Variants in MICAL2 observed in about 807,000 individuals in gnomAD.
The protein encoded by MICAL2 is microtubule associated monooxygenase, calponin and LIM domain containing 2.
In MICAL2, 77 loss-of-function variants were observed where a neutral mutation model predicts 127.3. The observed-to-expected ratio is 0.60, with a 90% CI of 0.50 to 0.73. MICAL2 has a LOEUF of 0.73. Ranked by LOEUF, MICAL2 falls within the 30% of genes least tolerant of loss-of-function variation. The probability of loss-of-function intolerance (pLI) is 0.00; values close to 1 mark genes in which losing one functional copy is unlikely to be tolerated. For missense variants in MICAL2, 1,351 were observed against 1,434.4 expected (o/e 0.94, Z 0.94); for synonymous variants, 570 against 551.1 (o/e 1.03, Z -0.48).
intron 3 of MICAL2, among the ~76,000 whole-genome samples, chr11:12,202,618 G>T (rs1158755975): frequency 2.6e-5 from 4 of 152,088 alleles, no homozygotes; most frequent in Admixed American, 1.3e-4. Context: ...TTCCGTCTGG[G>T]CTCCAGAAAA....
At chr11:12,258,666 C>T (rs1466786035) in intron 25 of MICAL2, 110 bp downstream of exon 25, 3 of 943,936 alleles carry the variant, frequency 3.2e-6, no homozygotes, top group Admixed American at 2.4e-5. Context: ...ATTGAGATGA[C>T]TCACAGATAA....
chr11:12,262,911 A>G (rs1196631665), intron 27 of MICAL2: 1 of 190,010 alleles, frequency 5.3e-6, no homozygotes, highest in Admixed American at 5.5e-5. Flanking sequence ...TTTGAAAAGA[A>G]CACTTTTTGA....
intron 29 of MICAL2, chr11:12,319,588 AG>A: frequency 1.3e-6 from 1 of 774,016 alleles, no homozygotes. Flanking sequence ...AGGGGAGGGC[AG>A]GGAGGAAGGG....
chr11:12,259,797 G>A lies in MICAL2; in HGVS notation c.3234G>A (p.Glu1078=). The change falls in exon 26 of 28, where the codon GAG becomes GAA. Residue 1078 remains glutamate, a splice_region_variant and synonymous_variant. Transcript: ENST00000683283. The part of the protein sequence containing the change: ...RRAELKQQRE[E]EATWQEQEAP... ...CCTCATTTCCATCTCTTTCTCAGGA[G>A]GAGGCAACATGGCAAGAGCAGGAAG... The A allele has an allele frequency of 6.5e-7, 1 of 1,539,484 alleles. No individual in the cohort carries two copies. Among genetic ancestry groups the A allele is most frequent in the Non-Finnish European group, 8.8e-7 (1 of 1,141,328 alleles).
chr11:12,309,762 A>C lies in MICAL2; in HGVS notation c.5213-9934A>C, dbSNP rs1301298655. Among the ~76,000 whole-genome samples, 4 of 152,226 alleles carry C rather than the reference A, an allele frequency of 2.6e-5. No homozygotes were observed. In the East Asian group the frequency reaches 7.7e-4, roughly 29 times the overall value. On this transcript the variant is annotated intron_variant, in intron 29 of 34. Transcript: ENST00000646065. Reference sequence around the variant, plus strand: ...AGAAACCGCCATACTGTTTGTCATAATGGTTTTACTACTTTATATTCCCAC... The same window carrying C: ...AGAAACCGCCATACTGTTTGTCATACTGGTTTTACTACTTTATATTCCCAC...
At chr11:12,334,643 C>A (rs1287048061) in intron 32 of MICAL2, among the ~76,000 whole-genome samples, 1 of 121,108 alleles carries the variant, frequency 8.3e-6, no homozygotes, top group African/African-American at 3.2e-5. Context: ...TGTGATGTTC[C>A]CCTTCCTGTG....
At position 12,239,527 on chromosome 11, in the gene MICAL2, C is replaced by A. The variant is rs914315098; in HGVS notation, c.2156C>A (p.Ala719Glu). The change falls in exon 17 of 28, where the codon GCG becomes GAG. Residue 719 changes from alanine to glutamate, a missense_variant. Physicochemically the swap from Ala to Glu is moderately radical, Grantham distance 107. Around this residue, in one of 2 missense-constraint regions of MICAL2, gnomAD observed 752 missense variants for 719.4 expected, o/e 1.05. Transcript: ENST00000683283. ...GGNQNKVKSM[A>E]NQLLAKFEES... ...AATCAGAACAAAGTCAAGTCCATGGCGAATCAGCTGCTGGCCAAGTTTGAG... is the reference window on the plus strand; with the variant it reads ...AATCAGAACAAAGTCAAGTCCATGGAGAATCAGCTGCTGGCCAAGTTTGAG... 2 of 1,614,198 alleles carry A rather than the reference C, an allele frequency of 1.2e-6. No individual in the cohort carries two copies. The highest frequency in any genetic ancestry group is 1.1e-5 in the South Asian group (1 of 91,082).
intron 1 of MICAL2, among the ~76,000 whole-genome samples, chr11:12,115,655 T>C (rs1849952237): frequency 6.6e-6 from 1 of 152,188 alleles, no homozygotes; most frequent in African/African-American, 2.4e-5. Context: ...AACAAAATTT[T>C]AAGTTTTCTG....
intron 3 of MICAL2, among the ~76,000 whole-genome samples, chr11:12,199,421 C>T (rs968547624): frequency 1.3e-5 from 2 of 152,150 alleles, no homozygotes; most frequent in Non-Finnish European, 2.9e-5. Context: ...CTCGACCTCG[C>T]TGCAGTGTCT....
chr11:12,192,070 C>T (rs1859244121), intron 3 of MICAL2, among the ~76,000 whole-genome samples: 1 of 137,542 alleles, frequency 7.3e-6, no homozygotes, highest in Admixed American at 7.2e-5. Flanking sequence ...CCACCCAAAA[C>T]CCACCAAGGG....
At chr11:12,361,611 C>T (rs1365198715), downstream of MICAL2, among the ~76,000 whole-genome samples, 1 of 152,220 alleles carries the variant, frequency 6.6e-6, no homozygotes, top group East Asian at 1.9e-4. Context: ...CAGTGTTAGG[C>T]TGCTTGGAAT....
intron 2 of MICAL2, among the ~76,000 whole-genome samples, chr11:12,156,060 A>G (rs555983997): frequency 6.6e-6 from 1 of 152,342 alleles, no homozygotes; most frequent in South Asian, 2.1e-4. Context: ...CAGAAGGGCA[A>G]GAGCCAAAGA....
intron 30 of MICAL2, chr11:12,323,843 C>A: frequency 1.0e-6 from 1 of 995,146 alleles, no homozygotes; most frequent in Non-Finnish European, 1.4e-6. Context: ...AGAGTTCTAC[C>A]AGATGTCGTT....
rs149318109 is a variant in MICAL2 at position 12,216,310 on chromosome 11, C to T, written c.939C>T (p.Val313=). Residue 313 remains valine, a synonymous_variant, in exon 8 of 28, where the codon GTC becomes GTT. Coordinates refer to ENST00000683283, the MANE Select transcript of MICAL2 (RefSeq NM_001282663.2). ...AKKQSLLDKG[V]IINDYIDTEM... Reference sequence around the variant, plus strand: ...AGCAGAGCCTGCTCGACAAAGGTGTCATCATTAACGTACGTACCTCTTGGC... The same window carrying T: ...AGCAGAGCCTGCTCGACAAAGGTGTTATCATTAACGTACGTACCTCTTGGC... 135 of 1,613,306 alleles carry T rather than the reference C, an allele frequency of 8.4e-5. No homozygotes were observed. The highest frequency in any genetic ancestry group is 1.1e-4 in the Non-Finnish European group (131 of 1,179,470).
intron 15 of MICAL2, among the ~76,000 whole-genome samples, 164 bp from the exon 16 acceptor site, chr11:12,236,013 C>T (rs547823680): frequency 4.6e-5 from 7 of 152,228 alleles, no homozygotes; most frequent in Non-Finnish European, 7.3e-5. Flanking sequence ...TGTCACAGTG[C>T]GGAGTCATTT....
intron 24 of MICAL2, among the ~76,000 whole-genome samples, chr11:12,258,229 C>T (rs554846890): frequency 6.6e-6 from 1 of 152,256 alleles, no homozygotes; most frequent in East Asian, 1.9e-4. Context: ...TAGCCACATC[C>T]CCGGGAGCCC....
rs1433733524 is a variant in MICAL2 at position 12,256,930 on chromosome 11, C to T, written c.3101C>T (p.Thr1034Ile). The change falls in exon 24 of 28, where the codon ACC becomes ATC. Residue 1034 changes from threonine to isoleucine, a missense_variant. By Grantham distance (89) the Thr-to-Ile change is moderately conservative. Transcript: ENST00000683283. ...TGTTTCCGCTGCAGCATCTGTGCCA[C>T]CACCTTGCGCCTGGCCGCCTACACC... ...RECFRCSICA[T>I]TLRLAAYTFD... 2 of 1,613,970 alleles carry T rather than the reference C, an allele frequency of 1.2e-6. No individual in the cohort carries two copies.
chr11:12,161,578 TG>T (rs1315244432), intron 2 of MICAL2: 1 of 153,578 alleles, frequency 6.5e-6, no homozygotes, highest in Non-Finnish European at 1.4e-5. Flanking sequence ...TACGGAGAGG[TG>T]GGCAGTCATG....
At chr11:12,345,500 G>A (rs1200322082) in intron 32 of MICAL2, among the ~76,000 whole-genome samples, 2 of 152,160 alleles carry the variant, frequency 1.3e-5, no homozygotes, top group African/African-American at 4.8e-5. Flanking sequence ...TCACATAAAT[G>A]TACAGGATGC....
Sources: gnomAD v4.1 joint callset for allele counts (sites outside exome capture counted in the v4.1 genomes callset) on GRCh38, gnomAD v4.1.1 for gene constraint, gnomAD v4.1.1 regional missense constraint, MANE v1.5 for transcripts, NCBI Gene and HGNC (gene_info 2026-07-23, HGNC 2026-07-21) for gene names.